The following MALT1 variants were observed in gnomAD, a reference collection of about 807,000 sequenced individuals.
The protein encoded by MALT1 is mucosa-associated lymphoid tissue lymphoma translocation protein 1.
In MALT1, 36 loss-of-function variants were observed where a neutral mutation model predicts 85.5. The ratio of observed to expected loss-of-function variants is 0.42; its 90% CI spans 0.32 to 0.56. MALT1 has a LOEUF of 0.56. Among genes scored for constraint, MALT1 ranks in the 20% least tolerant of loss-of-function variants. The pLI is 0.10. For missense variants in MALT1, 716 were observed against 981.6 expected, an observed-to-expected ratio of 0.73 and a Z score of 3.62; for synonymous variants, 359 against 361.3, an observed-to-expected ratio of 0.99 and a Z score of 0.07.
At chr18:58,682,941 A>G (rs1003218489) in intron 2 of MALT1, among the ~76,000 whole-genome samples, 5 of 152,186 alleles carry the variant, frequency 3.3e-5, no homozygotes, top group African/African-American at 1.2e-4. Flanking sequence ...GCCTCTTCCT[A>G]CCAACAGGGC....
chr18:58,739,849 G>A (rs967789829), intron 13 of MALT1, among the ~76,000 whole-genome samples: 9 of 151,976 alleles, frequency 5.9e-5, no homozygotes, highest in South Asian at 2.1e-4. Flanking sequence ...GTACACATGC[G>A]CCCATCTTGT....
chr18:58,751,153 AT>A lies in MALT1; in HGVS notation c.*3315del, dbSNP rs1393764760. The A allele has an allele frequency of 1.3e-5, 2 of 152,172 alleles. No homozygotes were observed. The highest frequency in any genetic ancestry group is 2.9e-5 in the Non-Finnish European group (2 of 68,042). 9.4% of individuals were successfully genotyped at this position (152,172 alleles called of 1,614,324 possible). ...GCTAGTGTGAGGAACTGAACATAAA[AT>A]TTTAGTTTTAGGATGGGTGTGGTGG... On this transcript the variant is annotated 3_prime_UTR_variant, in exon 17 of 17. Transcript: ENST00000649217.
At chr18:58,724,896 G>A (rs2055032160) in intron 10 of MALT1, among the ~76,000 whole-genome samples, 1 of 152,018 alleles carries the variant, frequency 6.6e-6, no homozygotes, top group Admixed American at 6.6e-5. Flanking sequence ...TGTAATCCCA[G>A]CACTTTGGGA....
At chr18:58,686,258 C>A (rs1026333901) in intron 2 of MALT1, among the ~76,000 whole-genome samples, 1 of 152,198 alleles carries the variant, frequency 6.6e-6, no homozygotes, top group African/African-American at 2.4e-5. Context: ...AACTCCTGAC[C>A]TCAGGTAATC....
chr18:58,715,804 T>C, intron 8 of MALT1, 131 bp from the exon 9 acceptor site: 1 of 696,600 alleles, frequency 1.4e-6, no homozygotes, highest in East Asian at 2.6e-5. Context: ...AAGAGTGTTT[T>C]TATTAAAAAT....
chr18:58,687,100 C>T (rs758623112), intron 2 of MALT1, among the ~76,000 whole-genome samples: 4 of 152,036 alleles, frequency 2.6e-5, no homozygotes, highest in Non-Finnish European at 5.9e-5. Flanking sequence ...TTCTTCTTGC[C>T]AACTTAAAAA....
intron 3 of MALT1, among the ~76,000 whole-genome samples, chr18:58,698,417 G>A (rs2054625893): frequency 6.6e-6 from 1 of 152,194 alleles, no homozygotes; most frequent in South Asian, 2.1e-4. Flanking sequence ...GCAGAGAACA[G>A]CAAGGTGAGC....
intron 13 of MALT1, 95 bp downstream of exon 13, chr18:58,735,424 T>A (rs2055210359): frequency 7.4e-7 from 1 of 1,354,964 alleles, no homozygotes; most frequent in Non-Finnish European, 9.8e-7. Flanking sequence ...GTTTTATTCT[T>A]ATTATGTGGG....
chr18:58,712,337 A>G (rs1439394169), intron 7 of MALT1, among the ~76,000 whole-genome samples: 1 of 152,050 alleles, frequency 6.6e-6, no homozygotes, highest in African/African-American at 2.4e-5. Context: ...CATTTTGTGT[A>G]TTTTATTCAA....
rs779596632 is a variant in MALT1, at chr18:58,747,759, T to G, written c.2392T>G (p.Phe798Val). The G allele has an allele frequency of 6.2e-7, 1 of 1,614,140 alleles. No homozygotes were observed. Among genetic ancestry groups the G allele is most frequent in the Non-Finnish European group, 8.5e-7 (1 of 1,179,976 alleles). ...SSFAHHASCH[F>V]SRSNVPVETT... ...TTTCGCTCACCATGCTTCATGTCATTTTAGTAGAAGTAATGTGCCAGTAGA... is the reference window on the plus strand; with the variant it reads ...TTTCGCTCACCATGCTTCATGTCATGTTAGTAGAAGTAATGTGCCAGTAGA... Residue 798 changes from phenylalanine (F) to valine (V), a missense_variant, in exon 17 of 17, where the codon TTT becomes GTT. This residue lies in a region of MALT1 where 260 missense variants were observed against 323.7 expected (regional missense o/e 0.80). Coordinates refer to ENST00000649217, the MANE Select transcript of MALT1 (RefSeq NM_006785.4).
chr18:58,720,625 C>A (rs1343581206), intron 9 of MALT1, among the ~76,000 whole-genome samples: 1 of 152,140 alleles, frequency 6.6e-6, no homozygotes, highest in Non-Finnish European at 1.5e-5. Context: ...AGTATTCTTT[C>A]CCAAATAGAG....
intron 10 of MALT1, among the ~76,000 whole-genome samples, chr18:58,729,253 G>C (rs2055109416): frequency 6.6e-6 from 1 of 152,132 alleles, no homozygotes; most frequent in Non-Finnish European, 1.5e-5. Context: ...ACTTTGGGAG[G>C]CCGAGGCAGG....
At chr18:58,686,453 G>A (rs4940738) in intron 2 of MALT1, among the ~76,000 whole-genome samples, 36,433 of 152,238 alleles carry the variant, frequency 0.24, 4,447 homozygotes, top group Middle Eastern at 0.33. Context: ...AATGGGCAGA[G>A]CAGAGGCTGA....
rs986735630 is a variant in MALT1, at chr18:58,751,461, C to T, written c.*3619C>T. On this transcript the variant is annotated 3_prime_UTR_variant, in exon 17 of 17. Transcript: ENST00000649217. ...AGGCTGGAGTGCAGCGACATAGTCT[C>T]AGCTCACTGCAGCATCCGTGGAGGC... is the stretch of plus-strand genomic sequence containing the variant. 1 of 151,974 alleles carries T rather than the reference C, an allele frequency of 6.6e-6. No individual in the cohort carries two copies. 9.4% of individuals were successfully genotyped at this position (151,974 alleles called of 1,614,324 possible).
intron 4 of MALT1, among the ~76,000 whole-genome samples, chr18:58,707,352 T>C (rs545581476): frequency 6.6e-6 from 1 of 151,062 alleles, no homozygotes; most frequent in Admixed American, 6.6e-5. Flanking sequence ...CAGCTCTGCT[T>C]TTCTTTTTCT....
At chr18:58,672,894 T>C (rs1040488090) in intron 1 of MALT1, 6 of 152,208 alleles carry the variant, frequency 3.9e-5, no homozygotes, top group African/African-American at 1.2e-4. Flanking sequence ...AATAAAGTCT[T>C]AATATTGTTA....
Position 58,721,425 on chromosome 18 carries a change from T to C in MALT1, c.1019-1623T>C, listed in dbSNP as rs1404552686. Among the ~76,000 whole-genome samples, 4 of 152,354 alleles carry C rather than the reference T, an allele frequency of 2.6e-5. No individual in the cohort carries two copies. In the East Asian group the frequency reaches 7.7e-4, roughly 29 times the overall value. On this transcript the variant is annotated intron_variant, in intron 9 of 16. Transcript: ENST00000649217. ...TGATGTTAAGTTTTATGCTGCCTCC[T>C]ATTGAAATCCATGCTGAGTATTCTC... is the stretch of plus-strand genomic sequence containing the variant.
intron 9 of MALT1, among the ~76,000 whole-genome samples, chr18:58,716,963 AAAG>A (rs1456131977): frequency 3.3e-5 from 5 of 152,240 alleles, no homozygotes; most frequent in African/African-American, 1.2e-4. Context: ...TTGAGATTAA[AAAG>A]AAGGAGAGAT....
chr18:58,711,104 T>C, intron 7 of MALT1, 151 bp downstream of exon 7: 1 of 510,784 alleles, frequency 2.0e-6, no homozygotes, highest in South Asian at 3.6e-5. Flanking sequence ...TTTTAATCTT[T>C]GAAGTTTTAT....
Sources: gnomAD v4.1 joint callset for allele counts (sites outside exome capture counted in the v4.1 genomes callset) on GRCh38, gnomAD v4.1.1 for gene constraint, gnomAD v4.1.1 regional missense constraint, MANE v1.5 for transcripts, NCBI Gene and HGNC (gene_info 2026-07-23, HGNC 2026-07-21) for gene names.